SHISA9: variants seen among roughly 807,000 people sequenced by gnomAD.
The protein encoded by SHISA9 is shisa family member 9.
Under a neutral mutation model 38.0 loss-of-function variants are expected in SHISA9, and 13 were observed. The observed-to-expected ratio is 0.34, with a 90% CI of 0.22 to 0.54. The LOEUF is 0.54. Among genes scored for constraint, SHISA9 ranks in the 20% least tolerant of loss-of-function variants. The pLI is 0.91. For synonymous variants in SHISA9, 275 were observed against 242.0 expected (o/e 1.14, Z -1.27); for missense variants, 538 against 575.8 (o/e 0.93, Z 0.67).
intron 1 of SHISA9, among the ~76,000 whole-genome samples, chr16:12,906,997 C>T (rs933308568): frequency 6.6e-6 from 1 of 152,144 alleles, no homozygotes; most frequent in African/African-American, 2.4e-5. Flanking sequence ...TGCTCACACA[C>T]TCTTTCCATA....
the SHISA9 span, among the ~76,000 whole-genome samples, chr16:13,466,618 C>T: frequency 2.0e-5 from 3 of 152,206 alleles, no homozygotes; most frequent in African/African-American, 7.2e-5. Context: ...GCTACAGCCA[C>T]ATGACCAGTT....
At position 13,113,711 on chromosome 16, in the gene SHISA9, C is replaced by G. The variant is rs150034494; in HGVS notation, c.692-89683C>G. ...GGAATTGAGAGTGTCCTGAAAATTA[C>G]TGGCCTCATTTGTTTGCCTTTTCTG... On this transcript the variant is annotated intron_variant, in intron 2 of 4. Coordinates refer to ENST00000558583, the MANE Select transcript of SHISA9 (RefSeq NM_001145204.3). Among the ~76,000 whole-genome samples the G allele has an allele frequency of 2.7e-3, 408 of 152,322 alleles. 1 individual carries two copies. Among genetic ancestry groups the G allele is most frequent in the African/African-American group, 9.5e-3 (397 of 41,574 alleles).
chr16:13,310,171 A>G, the SHISA9 span, among the ~76,000 whole-genome samples: 1 of 152,218 alleles, frequency 6.6e-6, no homozygotes, highest in African/African-American at 2.4e-5. Context: ...TACAGGCGTG[A>G]GCCACTGCTC....
At chr16:13,072,622 A>C (rs2073531520) in intron 2 of SHISA9, among the ~76,000 whole-genome samples, 1 of 152,178 alleles carries the variant, frequency 6.6e-6, no homozygotes, top group Admixed American at 6.5e-5. Flanking sequence ...CAAGTCAGTC[A>C]AAAGTCTTAT....
At chr16:13,431,817 T>G in the SHISA9 span, among the ~76,000 whole-genome samples, 1 of 152,186 alleles carries the variant, frequency 6.6e-6, no homozygotes, top group South Asian at 2.1e-4. Flanking sequence ...TCCCAGAACT[T>G]TGGGAGGCTG....
chr16:13,056,049 T>A (rs551185421), intron 2 of SHISA9, among the ~76,000 whole-genome samples: 2 of 152,158 alleles, frequency 1.3e-5, no homozygotes, highest in Admixed American at 6.5e-5. Flanking sequence ...GACTGTGAAC[T>A]GTAGGAGGGC....
chr16:13,072,807 C>T (rs2073534232), intron 2 of SHISA9, among the ~76,000 whole-genome samples: 1 of 152,046 alleles, frequency 6.6e-6, no homozygotes, highest in South Asian at 2.1e-4. Flanking sequence ...ATTACAGGCG[C>T]CTGCCACCAC....
chr16:12,988,996 T>A lies in SHISA9; in HGVS notation c.691+72181T>A, dbSNP rs117657441. ...ACCACTCTTTGCAATAAGCACACGG[T>A]TATCTGTGTTTTGTAGATGGAGCCA... On this transcript the variant is annotated intron_variant, in intron 2 of 4. Transcript: ENST00000558583. Among the ~76,000 whole-genome samples, 919 of 152,270 alleles carry A rather than the reference T, an allele frequency of 6.0e-3. 7 individuals carry two copies. Among genetic ancestry groups the A allele is most frequent in the Middle Eastern group, 0.034 (10 of 294 alleles).
At chr16:13,174,814 A>G (rs1433273261) in intron 2 of SHISA9, among the ~76,000 whole-genome samples, 1 of 152,168 alleles carries the variant, frequency 6.6e-6, no homozygotes, top group African/African-American at 2.4e-5. Context: ...TGATTCCTTT[A>G]TAATCTCTGG....
At chr16:13,299,677 C>T in the SHISA9 span, among the ~76,000 whole-genome samples, 9 of 148,194 alleles carry the variant, frequency 6.1e-5, no homozygotes, top group Admixed American at 1.4e-4. Flanking sequence ...TGCACCCCTG[C>T]ACTTTAGCCT....
rs570747423 is a variant in SHISA9, at chr16:13,194,504, A to G, written c.692-8890A>G. On this transcript the variant is annotated intron_variant, in intron 2 of 4. Transcript: ENST00000558583. ...GAGTTGATAATAGTATCTCATAAGG[A>G]TGCCTGGGATAATTCGATTAGCTAG... is the stretch of plus-strand genomic sequence containing the variant. 5.9e-5 allele frequency among the ~76,000 whole-genome samples: 9 copies of G among 152,304 alleles called. No individual in the cohort carries two copies. In the South Asian group the frequency reaches 1.9e-3, roughly 32 times the overall value.
chr16:13,497,685 C>CAAAAAAAAAAAAAAAAAAA, the SHISA9 span, among the ~76,000 whole-genome samples: 1 of 106,368 alleles, frequency 9.4e-6, no homozygotes, highest in African/African-American at 3.6e-5. Flanking sequence ...ACTCCGTCTC[C>CAAAAAAAAAAAAAAAAAAA]AAAAAAAAAA....
chr16:13,462,475 C>T, the SHISA9 span, among the ~76,000 whole-genome samples: 9 of 152,136 alleles, frequency 5.9e-5, no homozygotes, highest in South Asian at 2.1e-4. Context: ...TATTATGTCT[C>T]GTTAATGAGC....
At chr16:13,518,366 A>G in the SHISA9 span, among the ~76,000 whole-genome samples, 1 of 152,076 alleles carries the variant, frequency 6.6e-6, no homozygotes, top group Non-Finnish European at 1.5e-5. Context: ...CGCCGACCTG[A>G]GGCAGTCACC....
intron 2 of SHISA9, among the ~76,000 whole-genome samples, chr16:12,920,041 T>G (rs1489716215): frequency 1.3e-5 from 2 of 152,188 alleles, no homozygotes; most frequent in Non-Finnish European, 2.9e-5. Flanking sequence ...TCAGGCTGCA[T>G]GTAGGTTCCC....
At chr16:13,480,802 C>T in the SHISA9 span, among the ~76,000 whole-genome samples, 1 of 152,110 alleles carries the variant, frequency 6.6e-6, no homozygotes, top group Non-Finnish European at 1.5e-5. Flanking sequence ...AGAAGACAAG[C>T]TATATGTGAG....
chr16:13,520,603 CAA>C, the SHISA9 span, among the ~76,000 whole-genome samples: 14 of 56,228 alleles, frequency 2.5e-4, no homozygotes, highest in South Asian at 1.1e-3. Context: ...AACTCTGTCT[CAA>C]AAAAAAAAAA....
chr16:13,078,159 A>C lies in SHISA9; in HGVS notation c.692-125235A>C, dbSNP rs115145600. ...AAAGAAAAATAGCAAATGTGTACAC[A>C]GTTGCCTCTTAGTATCCGCAGGGGA... On this transcript the variant is annotated intron_variant, in intron 2 of 4. Coordinates refer to ENST00000558583, the MANE Select transcript of SHISA9 (RefSeq NM_001145204.3). 4.5e-3 allele frequency among the ~76,000 whole-genome samples: 680 copies of C among 152,318 alleles called. 4 individuals are homozygous for C. The highest frequency in any genetic ancestry group is 0.016 in the African/African-American group (661 of 41,582).
chr16:13,080,878 A>G (rs1388032591), intron 2 of SHISA9, among the ~76,000 whole-genome samples: 1 of 152,198 alleles, frequency 6.6e-6, no homozygotes, highest in Non-Finnish European at 1.5e-5. Context: ...GTGCCTGCAG[A>G]TATGGTATCT....
Sources: gnomAD v4.1 joint callset for allele counts (sites outside exome capture counted in the v4.1 genomes callset) on GRCh38, gnomAD v4.1.1 for gene constraint, MANE v1.5 for transcripts, NCBI Gene and HGNC (gene_info 2026-07-23, HGNC 2026-07-21) for gene names.